Variants in ZNF429 observed in about 807,000 individuals in gnomAD.
ZNF429 encodes the protein zinc finger protein 429.
Under a neutral mutation model 56.8 loss-of-function variants are expected in ZNF429, and 53 were observed. The observed-to-expected ratio is 0.93, with a 90% CI of 0.75 to 1.17. The LOEUF (loss-of-function observed/expected upper bound fraction) is 1.17, where lower values mean the gene tolerates loss of function less well. Among genes scored for constraint, ZNF429 ranks in the 50% most tolerant of loss-of-function variants. ZNF429 has a pLI of 0.00. For missense variants in ZNF429, 849 were observed against 788.4 expected (o/e 1.08, Z -0.92); for synonymous variants, 278 against 264.7 (o/e 1.05, Z -0.49).
intron 1 of ZNF429, among the ~76,000 whole-genome samples, chr19:21,525,038 A>T (rs919627977): frequency 6.6e-6 from 1 of 152,170 alleles, no homozygotes; most frequent in African/African-American, 2.4e-5. Flanking sequence ...CTTGGTTTAG[A>T]CTATCAACTG....
chr19:21,537,561 A>C lies in ZNF429; in HGVS notation c.1508A>C (p.His503Pro). ...AACCTTAACAGTCATAAAAAAATTC[A>C]TAGTGGAGAGAAACCCTACAAATGT... ...SSNLNSHKKI[H>P]SGEKPYKCEE... The change falls in exon 4 of 4, where the codon CAT (histidine) becomes CCT (proline). Residue 503 changes from histidine (H) to proline (P), a missense_variant. Coordinates refer to ENST00000358491, the MANE Select transcript of ZNF429 (RefSeq NM_001001415.4). 1 of 1,613,698 alleles carries C rather than the reference A, an allele frequency of 6.2e-7. No individual in the cohort carries two copies. Among genetic ancestry groups the C allele is most frequent in the South Asian group, 1.1e-5 (1 of 91,072 alleles).
rs34497957 is a variant in ZNF429 at position 21,510,624 on chromosome 19, A to G, written c.3+4850A>G. Among the ~76,000 whole-genome samples the G allele has an allele frequency of 7.1e-3, 1,062 of 150,488 alleles. 6 individuals are homozygous for G. The highest frequency in any genetic ancestry group is 0.024 in the African/African-American group (997 of 40,898). On this transcript the variant is annotated intron_variant, in intron 1 of 3. Coordinates refer to ENST00000358491, the MANE Select transcript of ZNF429 (RefSeq NM_001001415.4). ...TATTGATCATTCTTGGGTGTTTCTC[A>G]CAGAGGGGGATTTGGCAGGGTCATA...
intron 1 of ZNF429, among the ~76,000 whole-genome samples, chr19:21,511,613 G>A (rs147044062): frequency 0.53 from 79,109 of 149,202 alleles, 21,171 homozygotes; most frequent in East Asian, 0.62. Context: ...AGGCAGAGGG[G>A]CTCCTCACAT....
chr19:21,535,025 C>A, intron 3 of ZNF429, among the ~76,000 whole-genome samples: 1 of 146,638 alleles, frequency 6.8e-6, no homozygotes. Context: ...GATGGGGTTT[C>A]ACCGTTTTAG....
intron 1 of ZNF429, among the ~76,000 whole-genome samples, chr19:21,526,363 T>C (rs568649347): frequency 6.6e-6 from 1 of 152,290 alleles, no homozygotes; most frequent in African/African-American, 2.4e-5. Context: ...CAAAGTCCAT[T>C]GTACCATTCC....
rs766064240 is a variant in ZNF429 at position 21,529,627 on chromosome 19, C to G, written c.4-31C>G. On this transcript the variant is annotated intron_variant, in intron 1 of 3. Coordinates refer to ENST00000358491, the MANE Select transcript of ZNF429 (RefSeq NM_001001415.4). ...GGTCAATATATTTCTCTCTCTTTCTCTCTCCTTCTGTTGGTGTGTGTGTGT... is the reference window on the plus strand; with the variant it reads ...GGTCAATATATTTCTCTCTCTTTCTGTCTCCTTCTGTTGGTGTGTGTGTGT... The G allele has an allele frequency of 4.1e-6, 6 of 1,473,564 alleles. No individual in the cohort carries two copies. In the East Asian group the frequency reaches 1.5e-4, roughly 37 times the overall value. The allele number at this position is 1,473,564 out of a possible 1,614,324, so 91.3% of individuals were successfully genotyped here.
rs572899735 is a variant in ZNF429, at chr19:21,506,956, C to T, written c.3+1182C>T. Among the ~76,000 whole-genome samples, 9 of 151,950 alleles carry T rather than the reference C, an allele frequency of 5.9e-5. No individual in the cohort carries two copies. The South Asian group carries it at 8.3e-4, about 14-fold the overall frequency. ...GCTAATTTTGTATTTTTAGTAGAGA[C>T]GGGGTTTCTCCGTGTTGGTCAGGCT... On this transcript the variant is annotated intron_variant, in intron 1 of 3. Transcript: ENST00000358491.
intron 1 of ZNF429, chr19:21,518,706 C>T (rs1231697020): frequency 6.6e-6 from 1 of 152,136 alleles, no homozygotes; most frequent in African/African-American, 2.4e-5. Context: ...ATGTGCACCA[C>T]CACGCCCAGC....
Position 21,535,412 on chromosome 19 carries a change from TTTTC to T in ZNF429, c.227-785_227-782del. The stretch of plus-strand genomic sequence containing the variant: ...TTCTTTCTTTCTTTCTTTCTTTTTC[TTTTC>T]TTTCTTTCTTTCTTTCTTTCTTTCT... On this transcript the variant is annotated intron_variant, in intron 3 of 3. Coordinates refer to ENST00000358491, the MANE Select transcript of ZNF429 (RefSeq NM_001001415.4). Among the ~76,000 whole-genome samples, 181 of 55,352 alleles carry T rather than the reference TTTTC, an allele frequency of 3.3e-3. 5 individuals carry two copies. Among genetic ancestry groups the T allele is most frequent in the East Asian group, 0.017 (37 of 2,192 alleles). 36.3% of individuals were successfully genotyped at this position (55,352 alleles called of 152,430 possible).
Position 21,531,036 on chromosome 19 carries a change from G to A in ZNF429, c.226+352G>A. Among the ~76,000 whole-genome samples, 1,263 of 148,402 alleles carry A rather than the reference G, an allele frequency of 8.5e-3. 10 individuals carry two copies. The highest frequency in any genetic ancestry group is 0.015 in the Non-Finnish European group (1,006 of 67,500). On this transcript the variant is annotated intron_variant, in intron 3 of 3. Coordinates refer to ENST00000358491, the MANE Select transcript of ZNF429 (RefSeq NM_001001415.4). The stretch of plus-strand genomic sequence containing the variant: ...CAGGAGAATCGCTTGAATCTGGGAG[G>A]CGGAGGTTGCAGTGAGCTGAGATCA...
At chr19:21,512,684 A>T (rs1314036234) in intron 1 of ZNF429, among the ~76,000 whole-genome samples, 3 of 138,968 alleles carry the variant, frequency 2.2e-5, no homozygotes, top group South Asian at 4.8e-4. Context: ...AAAAAAAAAA[A>T]GGAGGAAAGA....
chr19:21,508,179 G>A (rs984600124), intron 1 of ZNF429, among the ~76,000 whole-genome samples: 1 of 151,794 alleles, frequency 6.6e-6, no homozygotes, highest in African/African-American at 2.4e-5. Flanking sequence ...GGAGGCGGAG[G>A]TTGCGGTGAG....
At position 21,538,015 on chromosome 19, in the gene ZNF429, C is replaced by T. The variant is rs2033784044; in HGVS notation, c.1962C>T (p.Pro654=). The T allele has an allele frequency of 6.2e-7, 1 of 1,611,310 alleles. No homozygotes were observed. The highest frequency in any genetic ancestry group is 1.1e-5 in the South Asian group (1 of 90,916). The change falls in exon 4 of 4, where the codon CCC becomes CCT. Residue 654 remains proline, a synonymous_variant. Transcript: ENST00000358491. The part of the protein sequence containing the change: ...RMGVVAHACN[P]STLGGRGGRI... ...GTGTGGTGGCTCATGCCTGTAATCCCAGCACTTTGGGAGGCAGAGGTGGGC... is the reference window on the plus strand; with the variant it reads ...GTGTGGTGGCTCATGCCTGTAATCCTAGCACTTTGGGAGGCAGAGGTGGGC...
chr19:21,535,474 TTCTTTCTTTC>T, intron 3 of ZNF429, among the ~76,000 whole-genome samples: 8 of 104,912 alleles, frequency 7.6e-5, no homozygotes, highest in Non-Finnish European at 1.6e-4. Flanking sequence ...CTTTCTTTCT[TTCTTTCTTTC>T]TTTCTTTCTT....
intron 1 of ZNF429, among the ~76,000 whole-genome samples, chr19:21,527,670 A>G (rs182504278): frequency 6.6e-6 from 1 of 152,268 alleles, no homozygotes; most frequent in East Asian, 1.9e-4. Context: ...CATTGTTCCT[A>G]AATGTCTGTT....
At chr19:21,520,488 C>G (rs976096752) in intron 1 of ZNF429, among the ~76,000 whole-genome samples, 2 of 152,190 alleles carry the variant, frequency 1.3e-5, no homozygotes, top group African/African-American at 4.8e-5. Context: ...GCTAAATAAA[C>G]CATTTGTCAT....
In ZNF429 at chr19:21,505,653, C is replaced by A. The variant is rs534777864; in HGVS notation, c.-119C>A. On this transcript the variant is annotated 5_prime_UTR_variant, in exon 1 of 4. Coordinates refer to ENST00000358491, the MANE Select transcript of ZNF429 (RefSeq NM_001001415.4). ...TTGGCTCTTGCTGCAGCCAGAGCTC[C>A]AGGTCTCGTCTTCATTTCTGTGTCC... The A allele has an allele frequency of 6.1e-5, 67 of 1,103,246 alleles. No individual in the cohort carries two copies. The African/African-American group carries it at 9.4e-4, about 15-fold the overall frequency. 68.3% of individuals were successfully genotyped at this position (1,103,246 alleles called of 1,614,324 possible).
Position 21,537,778 on chromosome 19 carries a change from C to A in ZNF429, c.1725C>A (p.Thr575=). ...GTAAACAATGTGACAAAGCTTTTACCCACTCCTCAAACCTTAGTAGTCATA... is the reference window on the plus strand; with the variant it reads ...GTAAACAATGTGACAAAGCTTTTACACACTCCTCAAACCTTAGTAGTCATA... ...YKCKQCDKAF[T]HSSNLSSHKK... is the part of the protein sequence containing the mutation. The change falls in exon 4 of 4, where the codon ACC becomes ACA. Residue 575 remains threonine (T), a synonymous_variant. Coordinates refer to ENST00000358491, the MANE Select transcript of ZNF429 (RefSeq NM_001001415.4). The A allele has an allele frequency of 6.2e-7, 1 of 1,612,510 alleles. No individual in the cohort carries two copies. Among genetic ancestry groups the A allele is most frequent in the Non-Finnish European group, 8.5e-7 (1 of 1,179,822 alleles).
chr19:21,534,140 A>C, intron 3 of ZNF429, among the ~76,000 whole-genome samples: 2 of 152,282 alleles, frequency 1.3e-5, no homozygotes, highest in East Asian at 3.9e-4. Flanking sequence ...TTTAAACAAT[A>C]TTTCTGTAAA....
Sources: gnomAD v4.1 joint callset for allele counts (sites outside exome capture counted in the v4.1 genomes callset) on GRCh38, gnomAD v4.1.1 for gene constraint, MANE v1.5 for transcripts, NCBI Gene and HGNC (gene_info 2026-07-23, HGNC 2026-07-21) for gene names.